The following HOOK1 variants were observed in gnomAD, a reference collection of about 807,000 sequenced individuals.
HOOK1 encodes protein Hook homolog 1.
HOOK1 carries 60 observed loss-of-function variants against 112.8 expected under a neutral mutation model. The observed-to-expected ratio is 0.53, with a 90% confidence interval of 0.43 to 0.66. The LOEUF is 0.66. Ranked by LOEUF, HOOK1 falls within the 30% of genes least tolerant of loss-of-function variation. The pLI is 0.00. For synonymous variants in HOOK1, 294 were observed against 283.8 expected (o/e 1.04, Z -0.36); for missense variants, 770 against 856.0 (o/e 0.90, Z 1.25).
chr1:59,853,182 T>A (rs1276512559), intron 12 of HOOK1, among the ~76,000 whole-genome samples: 4 of 152,096 alleles, frequency 2.6e-5, no homozygotes, highest in Admixed American at 2.6e-4. Flanking sequence ...TGAATCGTTG[T>A]GTATAGTTCT....
intron 17 of HOOK1, 30 bp downstream of exon 17, chr1:59,864,696 A>T (rs1417720932): frequency 7.3e-7 from 1 of 1,364,718 alleles, no homozygotes. Flanking sequence ...CTTTTCAAAT[A>T]TGAGAAGGGA....
intron 7 of HOOK1, 37 bp from the exon 8 acceptor site, chr1:59,840,271 C>G: frequency 7.0e-7 from 1 of 1,424,516 alleles, no homozygotes; most frequent in South Asian, 1.4e-5. Context: ...TGTGTCAAAA[C>G]ACGATTTACT....
intron 12 of HOOK1, among the ~76,000 whole-genome samples, chr1:59,849,963 T>G (rs2098406258): frequency 6.6e-6 from 1 of 151,670 alleles, no homozygotes; most frequent in Non-Finnish European, 1.5e-5. Context: ...TTCATTTTTC[T>G]TGAGCATATA....
Position 59,865,218 on chromosome 1 carries a change from G to A in HOOK1, c.1717G>A (p.Asp573Asn). ...ELQKKQELIE[D>N]LQPDINQNVQ... ...ACAGAAGAAACAAGAACTCATTGAA[G>A]ATCTTCAGCCAGATATAAATCAAAA... The change falls in exon 18 of 22, where the codon GAT becomes AAT. Residue 573 changes from aspartate (D) to asparagine (N), a missense_variant. Asp to Asn is a conservative substitution (Grantham distance 23). This residue lies in a region of HOOK1 where 655 missense variants were observed against 725.9 expected (regional missense o/e 0.90). Transcript: ENST00000371208. 1 of 1,607,436 alleles carries A rather than the reference G, an allele frequency of 6.2e-7. No homozygotes were observed. Among genetic ancestry groups the A allele is most frequent in the Non-Finnish European group, 8.5e-7 (1 of 1,173,988 alleles).
rs776560939 is a variant in HOOK1, at chr1:59,847,199, TAA to T, written c.929+19_929+20del. ...AGATGTTCTTAGGTATGGCATGTCTTAAAAAATATAATTATGCCATTTCTGAG... is the reference window on the plus strand; with the variant it reads ...AGATGTTCTTAGGTATGGCATGTCTTAAAATATAATTATGCCATTTCTGAG... On this transcript the variant is annotated intron_variant, in intron 10 of 21. Transcript: ENST00000371208. 6.3e-7 allele frequency: 1 copy of T among 1,581,706 alleles called. No individual in the cohort carries two copies. The highest frequency in any genetic ancestry group is 1.2e-5 in the South Asian group (1 of 85,636).
Position 59,840,528 on chromosome 1 carries a change from T to C in HOOK1, c.621+137T>C, listed in dbSNP as rs1314020425. ...GAGGTAACATTAAAAGGATTTCTTA[T>C]AGGCTTGAATATTCAAGTATTAATT... On this transcript the variant is annotated intron_variant, in intron 8 of 21. Coordinates refer to ENST00000371208, the MANE Select transcript of HOOK1 (RefSeq NM_015888.6). The C allele has an allele frequency of 7.1e-6, 3 of 423,556 alleles. No individual in the cohort carries two copies. The East Asian group carries it at 1.1e-4, about 15-fold the overall frequency. The allele number at this position is 423,556 out of a possible 1,614,324, so 26.2% of individuals were successfully genotyped here. A position where few individuals can be genotyped will look rare whatever the true frequency, so the allele number is the denominator to read the frequency against.
chr1:59,845,298 G>A (rs1440955609), intron 9 of HOOK1, among the ~76,000 whole-genome samples: 7 of 151,904 alleles, frequency 4.6e-5, no homozygotes, highest in Non-Finnish European at 1.0e-4. Context: ...ATGGGGATTA[G>A]GTTTCAACAT....
At position 59,815,093 on chromosome 1, in the gene HOOK1, G is replaced by A; in HGVS notation, c.-25G>A. Reference sequence around the variant, plus strand: ...TAGGAGGGAGTGTGAAGGTGTCCGCGGCGTCGTCGACGGCGGCGCCGGCCA... The same window carrying A: ...TAGGAGGGAGTGTGAAGGTGTCCGCAGCGTCGTCGACGGCGGCGCCGGCCA... On this transcript the variant is annotated 5_prime_UTR_variant, in exon 1 of 22. Transcript: ENST00000371208. 2 of 1,538,134 alleles carry A rather than the reference G, an allele frequency of 1.3e-6. No homozygotes were observed. Among genetic ancestry groups the A allele is most frequent in the South Asian group, 1.2e-5 (1 of 83,954 alleles).
At position 59,815,013 on chromosome 1, in the gene HOOK1, C is replaced by G. The variant is rs1418665013; in HGVS notation, c.-105C>G. The G allele has an allele frequency of 4.9e-6, 6 of 1,219,876 alleles. No individual in the cohort carries two copies. Among genetic ancestry groups the G allele is most frequent in the South Asian group, 1.3e-5 (1 of 76,168 alleles). The allele number at this position is 1,219,876 out of a possible 1,614,324, so 75.6% of individuals were successfully genotyped here. On this transcript the variant is annotated 5_prime_UTR_variant, in exon 1 of 22. Coordinates refer to ENST00000371208, the MANE Select transcript of HOOK1 (RefSeq NM_015888.6). ...GAGCTGCGCGGGTCGGGCCTGGTAC[C>G]GAGCTTTCCTGGGGGCTAGCAGGTC...
chr1:59,867,962 AT>A (rs1378440967), intron 19 of HOOK1, among the ~76,000 whole-genome samples: 2 of 152,198 alleles, frequency 1.3e-5, no homozygotes, highest in Non-Finnish European at 2.9e-5. Flanking sequence ...AAGTTTGAGT[AT>A]TGAAAAGGCT....
At position 59,815,196 on chromosome 1, in the gene HOOK1, C is replaced by A; in HGVS notation, c.63+16C>A. ...CATGATCTGGGTGAGTGCGAGGAGG[C>A]GAGAGGGCGAGGGGGCCAGGGGGCC... On this transcript the variant is annotated intron_variant, in intron 1 of 21. Transcript: ENST00000371208. The A allele has an allele frequency of 6.5e-7, 1 of 1,541,280 alleles. No individual in the cohort carries two copies. Among genetic ancestry groups the A allele is most frequent in the Non-Finnish European group, 8.7e-7 (1 of 1,145,772 alleles).
intron 9 of HOOK1, among the ~76,000 whole-genome samples, chr1:59,846,624 T>C (rs2098404205): frequency 8.3e-6 from 1 of 120,466 alleles, no homozygotes; most frequent in Non-Finnish European, 1.7e-5. Context: ...CTCTCTCTCA[T>C]TCTTTCTTTC....
rs760470498 is a variant in HOOK1, at chr1:59,849,038, T to C, written c.1132-35T>C. On this transcript the variant is annotated intron_variant, in intron 11 of 21. Coordinates refer to ENST00000371208, the MANE Select transcript of HOOK1 (RefSeq NM_015888.6). Reference sequence around the variant, plus strand: ...TTGAGATTTATACACTTATATACTTTTAAGGACCTTTTTTCCTTTTGTTTC... The same window carrying C: ...TTGAGATTTATACACTTATATACTTCTAAGGACCTTTTTTCCTTTTGTTTC... 3.7e-6 allele frequency: 5 copies of C among 1,365,916 alleles called. No individual in the cohort carries two copies. The East Asian group carries it at 6.9e-5, about 19-fold the overall frequency. 84.6% of individuals were successfully genotyped at this position (1,365,916 alleles called of 1,614,324 possible).
chr1:59,832,619 C>G (rs1006905532), intron 4 of HOOK1, among the ~76,000 whole-genome samples: 3 of 151,858 alleles, frequency 2.0e-5, no homozygotes, highest in African/African-American at 7.3e-5. Flanking sequence ...GGAAAAAATG[C>G]AAAATAAAAG....
At chr1:59,853,900 T>C (rs1307212309) in intron 12 of HOOK1, among the ~76,000 whole-genome samples, 3 of 149,760 alleles carry the variant, frequency 2.0e-5, no homozygotes, top group South Asian at 4.2e-4. Context: ...TACATCTTTA[T>C]AGATTATAAA....
intron 16 of HOOK1, chr1:59,863,881 C>T: frequency 4.5e-6 from 4 of 894,552 alleles, no homozygotes; most frequent in Non-Finnish European, 5.4e-6. Flanking sequence ...ATTGTAACTT[C>T]TCTAATACAA....
intron 1 of HOOK1, among the ~76,000 whole-genome samples, chr1:59,821,596 T>C (rs2098385664): frequency 6.6e-6 from 1 of 152,250 alleles, no homozygotes; most frequent in African/African-American, 2.4e-5. Flanking sequence ...CCAAATTATG[T>C]ATTACTTATG....
chr1:59,864,949 C>A, intron 17 of HOOK1: 1 of 565,380 alleles, frequency 1.8e-6, no homozygotes, highest in Non-Finnish European at 3.2e-6. Flanking sequence ...AAATATTTTA[C>A]TTTCTTAGGA....
At chr1:59,836,150 G>T (rs2098397500) in intron 6 of HOOK1, among the ~76,000 whole-genome samples, 1 of 152,054 alleles carries the variant, frequency 6.6e-6, no homozygotes, top group Admixed American at 6.6e-5. Context: ...GAGCAAATAT[G>T]GTGGTACTTA....
Sources: allele counts gnomAD v4.1 joint callset (sites outside exome capture counted in the v4.1 genomes callset), GRCh38; gene constraint gnomAD v4.1.1; regional missense constraint gnomAD v4.1.1; transcripts MANE v1.5; gene names NCBI Gene and HGNC (gene_info 2026-07-23, HGNC 2026-07-21).